The following MAPK4 variants were observed in gnomAD, a reference collection of about 807,000 sequenced individuals.
MAPK4 encodes Erk3-related.
Under a neutral mutation model 47.7 loss-of-function variants are expected in MAPK4, and 22 were observed. The ratio of observed to expected loss-of-function variants is 0.46; its 90% CI spans 0.33 to 0.66. The LOEUF (loss-of-function observed/expected upper bound fraction) is 0.66. Among genes scored for constraint, MAPK4 ranks in the 30% least tolerant of loss-of-function variants. The pLI is 0.02. For missense variants in MAPK4, 736 were observed against 831.7 expected (o/e 0.88, Z 1.42); for synonymous variants, 390 against 365.7 (o/e 1.07, Z -0.76).
intron 2 of MAPK4, among the ~76,000 whole-genome samples, chr18:50,688,452 T>C (rs1909011993): frequency 6.6e-6 from 1 of 152,202 alleles, no homozygotes; most frequent in South Asian, 2.1e-4. Context: ...TGACTTGAGT[T>C]AACCTCTCAT....
At chr18:50,681,615 G>A (rs529832990) in intron 2 of MAPK4, among the ~76,000 whole-genome samples, 37 of 152,196 alleles carry the variant, frequency 2.4e-4, no homozygotes, top group African/African-American at 8.7e-4. Context: ...GAGATAGGGG[G>A]TCCAACTTCA....
chr18:50,679,827 A>T (rs533876932), intron 2 of MAPK4, among the ~76,000 whole-genome samples: 5 of 152,250 alleles, frequency 3.3e-5, no homozygotes, highest in African/African-American at 1.2e-4. Flanking sequence ...AGATGGGGCC[A>T]GGACAGGAAA....
At chr18:50,629,962 T>C (rs2042814338) in intron 1 of MAPK4, 1 of 152,200 alleles carries the variant, frequency 6.6e-6, no homozygotes, top group African/African-American at 2.4e-5. Context: ...TTATTAAACA[T>C]GTGCATGTGT....
chr18:50,670,672 G>A (rs1320921058), intron 2 of MAPK4, among the ~76,000 whole-genome samples: 5 of 150,646 alleles, frequency 3.3e-5, no homozygotes, highest in South Asian at 2.1e-4. Flanking sequence ...TAGGAGAATC[G>A]CTTGAACTTG....
At chr18:50,593,844 GAT>G (rs151107523) in intron 1 of MAPK4, among the ~76,000 whole-genome samples, 2 of 151,346 alleles carry the variant, frequency 1.3e-5, no homozygotes, top group East Asian at 1.9e-4. Context: ...GAATTAATAG[GAT>G]ATATATATAT....
At chr18:50,601,117 A>G (rs1301904663) in intron 1 of MAPK4, among the ~76,000 whole-genome samples, 2 of 150,204 alleles carry the variant, frequency 1.3e-5, no homozygotes, top group Non-Finnish European at 3.0e-5. Flanking sequence ...AAAAAAAAGA[A>G]GAAGAAGAAG....
intron 1 of MAPK4, among the ~76,000 whole-genome samples, chr18:50,569,148 G>A (rs1292261147): frequency 1.3e-5 from 2 of 152,006 alleles, no homozygotes; most frequent in African/African-American, 4.8e-5. Flanking sequence ...ATGTGTGCTG[G>A]ATATTGTTTT....
rs74508038 is a variant in MAPK4, at chr18:50,631,100, G to A, written c.-870-31989G>A. On this transcript the variant is annotated intron_variant, in intron 1 of 5. Transcript: ENST00000400384. Reference sequence around the variant, plus strand: ...TCGCCTGACATGCACATTCCCGGCCGAGGTCAGACAGGGTGACACGCTGCC... The same window carrying A: ...TCGCCTGACATGCACATTCCCGGCCAAGGTCAGACAGGGTGACACGCTGCC... 7.3e-3 allele frequency among the ~76,000 whole-genome samples: 1,112 copies of A among 152,296 alleles called. 9 individuals are homozygous for A. The highest frequency in any genetic ancestry group is 0.026 in the African/African-American group (1,061 of 41,552).
chr18:50,725,946 G>A lies in MAPK4; in HGVS notation c.854-16G>A, dbSNP rs367672572. On this transcript the variant is annotated splice_polypyrimidine_tract_variant and intron_variant, in intron 4 of 5. Transcript: ENST00000400384. ...GGGCAACAAATGACCTTCATGTCCGGCTTTGCTCCCTGCAGCCATCGACTT... is the reference window on the plus strand; with the variant it reads ...GGGCAACAAATGACCTTCATGTCCGACTTTGCTCCCTGCAGCCATCGACTT... The A allele has an allele frequency of 1.5e-5, 24 of 1,610,994 alleles. No homozygotes were observed. The African/African-American group carries it at 2.7e-4, about 18-fold the overall frequency.
intron 2 of MAPK4, among the ~76,000 whole-genome samples, chr18:50,670,756 C>CA (rs34523525): frequency 0.52 from 54,162 of 104,402 alleles, 12,637 homozygotes; most frequent in Middle Eastern, 0.59. Flanking sequence ...GACTCCGTCT[C>CA]AAAAAAAAAA....
chr18:50,643,698 G>C (rs1313109816), intron 1 of MAPK4, among the ~76,000 whole-genome samples: 1 of 152,122 alleles, frequency 6.6e-6, no homozygotes, highest in Non-Finnish European at 1.5e-5. Flanking sequence ...GTGGAAGGAG[G>C]CTTCAGTAGT....
chr18:50,719,297 T>C (rs1379504512), intron 3 of MAPK4, among the ~76,000 whole-genome samples: 2 of 151,912 alleles, frequency 1.3e-5, no homozygotes, highest in Non-Finnish European at 2.9e-5. Flanking sequence ...GAGTAAGACA[T>C]AGTCTCTGTC....
At chr18:50,574,880 G>C (rs977036930) in intron 1 of MAPK4, among the ~76,000 whole-genome samples, 4 of 152,120 alleles carry the variant, frequency 2.6e-5, no homozygotes, top group African/African-American at 9.7e-5. Context: ...GTAAATCCAG[G>C]TGCACAACAT....
intron 1 of MAPK4, among the ~76,000 whole-genome samples, chr18:50,629,147 G>A (rs2042807107): frequency 1.3e-5 from 2 of 152,134 alleles, no homozygotes; most frequent in Admixed American, 6.5e-5. Context: ...GATGAGGGAG[G>A]GCATTGCTCA....
At chr18:50,698,974 A>C (rs1478320866) in intron 2 of MAPK4, among the ~76,000 whole-genome samples, 1 of 152,144 alleles carries the variant, frequency 6.6e-6, no homozygotes, top group Non-Finnish European at 1.5e-5. Flanking sequence ...GCAGTGAGTC[A>C]AGATCGTGCC....
rs1408585559 is a variant in MAPK4 at position 50,663,888 on chromosome 18, C to T, written c.-71C>T. On this transcript the variant is annotated 5_prime_UTR_variant, in exon 2 of 6. Transcript: ENST00000400384. ...ACAGAATGAGGTGCGCGAGGGAGGC[C>T]GCTAGCCGAGACTTGGCCTTTCCTG... 43 of 1,395,650 alleles carry T rather than the reference C, an allele frequency of 3.1e-5. No individual in the cohort carries two copies. Among genetic ancestry groups the T allele is most frequent in the South Asian group, 2.9e-4 (22 of 76,130 alleles). 86.5% of individuals were successfully genotyped at this position (1,395,650 alleles called of 1,614,324 possible). A position where few individuals can be genotyped will look rare whatever the true frequency, so the allele number is the denominator to read the frequency against.
chr18:50,689,774 T>A (rs956450844), intron 2 of MAPK4, among the ~76,000 whole-genome samples: 1 of 152,192 alleles, frequency 6.6e-6, no homozygotes, highest in Non-Finnish European at 1.5e-5. Flanking sequence ...CTCAAGTACA[T>A]AAGCTAATAA....
At chr18:50,629,293 G>C (rs1236677552) in intron 1 of MAPK4, 1 of 152,234 alleles carries the variant, frequency 6.6e-6, no homozygotes, top group Non-Finnish European at 1.5e-5. Flanking sequence ...CAGGAGGCTG[G>C]CGTTTACATG....
Position 50,683,886 on chromosome 18 carries a change from G to A in MAPK4, c.546+19382G>A, listed in dbSNP as rs899641714. On this transcript the variant is annotated intron_variant, in intron 2 of 5. Transcript: ENST00000400384. ...GTGATAGACTAACAGTGGTTAGATT[G>A]TCTCGCTTCTCTCTGGATGTCCCCC... Among the ~76,000 whole-genome samples, 5 of 152,250 alleles carry A rather than the reference G, an allele frequency of 3.3e-5. No individual in the cohort carries two copies. In the East Asian group the frequency reaches 9.7e-4, roughly 29 times the overall value.
Sources: allele counts gnomAD v4.1 joint callset (sites outside exome capture counted in the v4.1 genomes callset), GRCh38; gene constraint gnomAD v4.1.1; transcripts MANE v1.5; gene names NCBI Gene and HGNC (gene_info 2026-07-23, HGNC 2026-07-21).